The following USP6NL variants were observed in gnomAD, a reference collection of about 807,000 sequenced individuals.
USP6NL encodes the protein USP6 N-terminal like.
USP6NL carries 26 observed loss-of-function variants against 61.9 expected under a neutral mutation model. That is an observed-to-expected ratio of 0.42 (90% CI 0.31 to 0.58). USP6NL has a LOEUF of 0.58. Ranked by LOEUF, USP6NL falls within the 20% of genes least tolerant of loss-of-function variation. The pLI is 0.16. For synonymous variants in USP6NL, 432 were observed against 390.1 expected, an observed-to-expected ratio of 1.11 and a Z score of -1.27; for missense variants, 1,114 against 1,034.3, an observed-to-expected ratio of 1.08 and a Z score of -1.06.
Position 11,481,713 on chromosome 10 carries a change from G to A in USP6NL, c.1078+57C>T. ...GCAAGAAACAGCCCATGTTAATTAT[G>A]CCATGTCTTCCAATCTTAATTATAA... On this transcript the variant is annotated intron_variant, in intron 14 of 14. Coordinates refer to ENST00000609104, the MANE Select transcript of USP6NL (RefSeq NM_014688.5). This position sits in a 1 kb window ranked among gnomAD's most constrained non-coding sequence, Gnocchi z 4.4. 1 of 1,516,326 alleles carries A rather than the reference G, an allele frequency of 6.6e-7. No homozygotes were observed. The highest frequency in any genetic ancestry group is 8.8e-7 in the Non-Finnish European group (1 of 1,131,516). 93.9% of individuals were successfully genotyped at this position (1,516,326 alleles called of 1,614,324 possible). A position where few individuals can be genotyped will look rare whatever the true frequency, so the allele number is the denominator to read the frequency against.
chr10:11,483,871 T>C (rs1038648633), intron 13 of USP6NL, among the ~76,000 whole-genome samples: 2 of 152,104 alleles, frequency 1.3e-5, no homozygotes, highest in African/African-American at 4.8e-5. Flanking sequence ...TCTGAGTCCT[T>C]TTCTTGAAAA....
At chr10:11,533,579 T>A (rs1219470102) in intron 2 of USP6NL, among the ~76,000 whole-genome samples, 1 of 152,060 alleles carries the variant, frequency 6.6e-6, no homozygotes, top group Non-Finnish European at 1.5e-5. Flanking sequence ...AAGCAAGACA[T>A]CACCAGCTAA....
At chr10:11,519,707 C>T (rs1289313141) in intron 4 of USP6NL, among the ~76,000 whole-genome samples, 1 of 152,104 alleles carries the variant, frequency 6.6e-6, no homozygotes, top group African/African-American at 2.4e-5. Context: ...TTTAAATATA[C>T]ACTAAAAGAT....
In USP6NL at chr10:11,532,199, G is replaced by GCAGA. The variant is rs1835688611; in HGVS notation, c.5-4633_5-4632insTCTG. The GCAGA allele has an allele frequency of 1.2e-6, 2 of 1,602,318 alleles. No individual in the cohort carries two copies. Among genetic ancestry groups the GCAGA allele is most frequent in the Admixed American group, 3.4e-5 (2 of 58,778 alleles). On this transcript the variant is annotated intron_variant, in intron 2 of 14. Transcript: ENST00000609104. This position sits in a 1 kb window ranked among gnomAD's most constrained non-coding sequence, Gnocchi z 4.1. ...TTACCCTTTGTGAGATAATCAGTCT[G>GCAGA]GCCTTGGGAATTAACAACAGCTTCA...
chr10:11,608,734 TC>T (rs887614027), intron 1 of USP6NL, among the ~76,000 whole-genome samples: 5 of 152,190 alleles, frequency 3.3e-5, no homozygotes, highest in African/African-American at 1.2e-4. Context: ...CAGAAGGCAC[TC>T]AAAAAATAAT....
rs1179013947 is a variant in USP6NL at position 11,589,149 on chromosome 10, T to C, written c.4+8482A>G. Among the ~76,000 whole-genome samples the C allele has an allele frequency of 6.6e-6, 1 of 152,236 alleles. No individual in the cohort carries two copies. The highest frequency in any genetic ancestry group is 1.5e-5 in the Non-Finnish European group (1 of 68,034). ...TAGCAGTAAGGCAACCTGCTTTATA[T>C]AGCTTCTAGGTCACATCTGTCAGCA... On this transcript the variant is annotated intron_variant, in intron 2 of 14. Coordinates refer to ENST00000609104, the MANE Select transcript of USP6NL (RefSeq NM_014688.5). The surrounding 1 kb of genome is among the most constrained non-coding windows in gnomAD (Gnocchi z 4.7).
At position 11,520,371 on chromosome 10, in the gene USP6NL, G is replaced by A. The variant is rs1336094103; in HGVS notation, c.156-1797C>T. 1.3e-5 allele frequency among the ~76,000 whole-genome samples: 2 copies of A among 152,210 alleles called. No individual in the cohort carries two copies. The highest frequency in any genetic ancestry group is 4.8e-5 in the African/African-American group (2 of 41,448). ...ACTTTTCATGGAGAATCTGCTGTGT[G>A]CATACCAATCTCCACAGAGCTTTTC... On this transcript the variant is annotated intron_variant, in intron 4 of 14. Transcript: ENST00000609104. The surrounding 1 kb of genome is among the most constrained non-coding windows in gnomAD (Gnocchi z 5.2).
In USP6NL at chr10:11,597,609, G is replaced by A. The variant is rs1020925509; in HGVS notation, c.4+22C>T. The A allele has an allele frequency of 1.3e-6, 2 of 1,551,264 alleles. No homozygotes were observed. The highest frequency in any genetic ancestry group is 1.7e-6 in the Non-Finnish European group (2 of 1,146,736). On this transcript the variant is annotated intron_variant, in intron 2 of 14. Coordinates refer to ENST00000609104, the MANE Select transcript of USP6NL (RefSeq NM_014688.5). This position sits in a 1 kb window ranked among gnomAD's most constrained non-coding sequence, Gnocchi z 4.6. ...GCAAACGCTCCTGAGATGGCTGGAA[G>A]GAAAGGAAGCAGCGCACTTACTCAT...
At chr10:11,473,443 G>C (rs1295394420) in intron 14 of USP6NL, among the ~76,000 whole-genome samples, 3 of 152,202 alleles carry the variant, frequency 2.0e-5, no homozygotes, top group African/African-American at 7.2e-5. Flanking sequence ...GGGAGGCCAG[G>C]CACCGGCTGA....
At position 11,518,210 on chromosome 10, in the gene USP6NL, C is replaced by T. The variant is rs758878090; in HGVS notation, c.195+325G>A. Among the ~76,000 whole-genome samples the T allele has an allele frequency of 2.6e-5, 4 of 152,154 alleles. No homozygotes were observed. Among genetic ancestry groups the T allele is most frequent in the Non-Finnish European group, 5.9e-5 (4 of 68,022 alleles). On this transcript the variant is annotated intron_variant, in intron 5 of 14. Coordinates refer to ENST00000609104, the MANE Select transcript of USP6NL (RefSeq NM_014688.5). This position sits in a 1 kb window ranked among gnomAD's most constrained non-coding sequence, Gnocchi z 5.3. ...TCACTTGTGAAGCCTTTAAAAATTACCTACCCAGAGAGGCTGATTTCACAG... is the reference window on the plus strand; with the variant it reads ...TCACTTGTGAAGCCTTTAAAAATTATCTACCCAGAGAGGCTGATTTCACAG...
intron 5 of USP6NL, among the ~76,000 whole-genome samples, chr10:11,515,816 A>G (rs1834932953): frequency 6.6e-6 from 1 of 152,198 alleles, no homozygotes; most frequent in South Asian, 2.1e-4. Context: ...GGTCAGAAGA[A>G]GACAAGAAGT....
Position 11,463,507 on chromosome 10 carries a change from T to C in USP6NL, c.1421A>G (p.Asn474Ser). ...YNHAAANQNS[N>S]ATSNIRKEFV... ...CTCCTTCCTGATATTTGAAGTGGCG[T>C]TGCTATTTTGGTTGGCAGCTGCGTG... Residue 474 changes from asparagine (N) to serine (S), a missense_variant, in exon 15 of 15, where the codon AAC becomes AGC. Transcript: ENST00000609104. This position sits in a 1 kb window ranked among gnomAD's most constrained non-coding sequence, Gnocchi z 6.3. 6 of 1,614,068 alleles carry C rather than the reference T, an allele frequency of 3.7e-6. No individual in the cohort carries two copies. The highest frequency in any genetic ancestry group is 5.1e-6 in the Non-Finnish European group (6 of 1,179,900).
intron 1 of USP6NL, among the ~76,000 whole-genome samples, chr10:11,601,696 T>C (rs1310028021): frequency 6.6e-6 from 1 of 152,254 alleles, no homozygotes; most frequent in Non-Finnish European, 1.5e-5. Flanking sequence ...AAAAGAGTTG[T>C]AGTGGTTCAT....
intron 2 of USP6NL, among the ~76,000 whole-genome samples, chr10:11,542,977 G>A (rs1298639712): frequency 6.6e-6 from 1 of 151,374 alleles, no homozygotes; most frequent in African/African-American, 2.4e-5. Flanking sequence ...GTATATATAG[G>A]AAAACAAGAA....
chr10:11,508,738 A>G (rs1338280587), intron 6 of USP6NL, among the ~76,000 whole-genome samples: 1 of 152,268 alleles, frequency 6.6e-6, no homozygotes, highest in African/African-American at 2.4e-5. Context: ...AACCAAGTGC[A>G]ATGACTGTGT....
chr10:11,601,027 G>C (rs1220319202), intron 1 of USP6NL, among the ~76,000 whole-genome samples: 1 of 151,934 alleles, frequency 6.6e-6, no homozygotes, highest in Non-Finnish European at 1.5e-5. Flanking sequence ...TGTGGCTATA[G>C]AAAGTCTTTC....
chr10:11,470,115 G>A lies in USP6NL; in HGVS notation c.1079-6266C>T, dbSNP rs138476949. Among the ~76,000 whole-genome samples, 154 of 152,284 alleles carry A rather than the reference G, an allele frequency of 1.0e-3. No individual in the cohort carries two copies. Among genetic ancestry groups the A allele is most frequent in the Non-Finnish European group, 1.8e-3 (122 of 68,014 alleles). ...TCTCATGAGGAGGAGAAGCAAGAAG[G>A]GGCGGAGACAGTGAAGGAGAGGTGA... On this transcript the variant is annotated intron_variant, in intron 14 of 14. Coordinates refer to ENST00000609104, the MANE Select transcript of USP6NL (RefSeq NM_014688.5). The surrounding 1 kb of genome is among the most constrained non-coding windows in gnomAD (Gnocchi z 5.4).
At chr10:11,565,331 A>C (rs1837096017) in intron 2 of USP6NL, 1 of 152,206 alleles carries the variant, frequency 6.6e-6, no homozygotes, top group Non-Finnish European at 1.5e-5. Flanking sequence ...CCAAGATAAA[A>C]TCAGCATCCT....
chr10:11,533,526 G>C (rs985708902), intron 2 of USP6NL, among the ~76,000 whole-genome samples: 7 of 152,188 alleles, frequency 4.6e-5, no homozygotes, highest in Non-Finnish European at 8.8e-5. Context: ...TTCTGAACAG[G>C]AAGCAAGAAG....
Sources: gnomAD v4.1 joint callset for allele counts (sites outside exome capture counted in the v4.1 genomes callset) on GRCh38, gnomAD v4.1.1 for gene constraint, Gnocchi (gnomAD v3.1) non-coding constraint, MANE v1.5 for transcripts, NCBI Gene and HGNC (gene_info 2026-07-23, HGNC 2026-07-21) for gene names.